The following IMMP2L variants were observed in gnomAD, a reference collection of about 807,000 sequenced individuals.
IMMP2L encodes inner mitochondrial membrane peptidase subunit 2.
Under a neutral mutation model 19.3 loss-of-function variants are expected in IMMP2L, and 18 were observed. That is an observed-to-expected ratio of 0.93 (90% CI 0.64 to 1.38). The LOEUF is 1.38. Ranked by LOEUF, IMMP2L falls within the 40% of genes most tolerant of loss-of-function variation. The pLI, the probability that IMMP2L is intolerant of heterozygous loss-of-function variation, is 0.00. For missense variants in IMMP2L, 233 were observed against 218.2 expected (o/e 1.07, Z -0.43); for synonymous variants, 76 against 73.0 (o/e 1.04, Z -0.21).
chr7:111,257,192 A>G (rs564640948), intron 3 of IMMP2L, among the ~76,000 whole-genome samples: 2 of 152,270 alleles, frequency 1.3e-5, no homozygotes, highest in African/African-American at 4.8e-5. Context: ...AATAATTCCA[A>G]CTGACAGCTG....
chr7:110,882,151 T>C (rs1809704379), intron 5 of IMMP2L, among the ~76,000 whole-genome samples: 1 of 152,104 alleles, frequency 6.6e-6, no homozygotes, highest in African/African-American at 2.4e-5. Flanking sequence ...TGCTTAGTGA[T>C]AGTGGCAAAA....
At chr7:111,326,227 T>C (rs540483639) in intron 3 of IMMP2L, among the ~76,000 whole-genome samples, 53 of 151,898 alleles carry the variant, frequency 3.5e-4, no homozygotes, top group Middle Eastern at 3.4e-3. Flanking sequence ...TCAATTGAGA[T>C]ATAAATTATG....
At chr7:110,930,777 C>T (rs1174588194) in intron 4 of IMMP2L, among the ~76,000 whole-genome samples, 1 of 152,156 alleles carries the variant, frequency 6.6e-6, no homozygotes, top group Non-Finnish European at 1.5e-5. Context: ...GTGGTTTCCA[C>T]AAAGTTTAAC....
At chr7:111,556,915 T>C (rs190697712) in intron 1 of IMMP2L, among the ~76,000 whole-genome samples, 1 of 152,250 alleles carries the variant, frequency 6.6e-6, no homozygotes. Context: ...TTGCCAATGA[T>C]ATGCCCTGCG....
At chr7:110,984,467 C>T (rs1331020325) in intron 3 of IMMP2L, among the ~76,000 whole-genome samples, 3 of 152,006 alleles carry the variant, frequency 2.0e-5, no homozygotes, top group Non-Finnish European at 4.4e-5. Flanking sequence ...GAATATACTA[C>T]ACAAGAGCTA....
intron 4 of IMMP2L, among the ~76,000 whole-genome samples, chr7:110,933,620 C>T (rs906466099): frequency 2.0e-5 from 3 of 152,144 alleles, no homozygotes; most frequent in African/African-American, 7.2e-5. Flanking sequence ...CATTGATGCT[C>T]AGCCTATTCC....
intron 3 of IMMP2L, among the ~76,000 whole-genome samples, chr7:111,468,151 C>A (rs1840858126): frequency 6.6e-6 from 1 of 152,108 alleles, no homozygotes; most frequent in East Asian, 1.9e-4. Flanking sequence ...CTCAGGGGAT[C>A]TATTGTTTTC....
At chr7:110,740,180 C>T (rs1796904608) in intron 5 of IMMP2L, among the ~76,000 whole-genome samples, 1 of 151,996 alleles carries the variant, frequency 6.6e-6, no homozygotes, top group African/African-American at 2.4e-5. Context: ...AATCCAAACC[C>T]AAACCCATCA....
intron 1 of IMMP2L, among the ~76,000 whole-genome samples, chr7:111,558,054 G>C (rs1430696856): frequency 6.6e-6 from 1 of 151,868 alleles, no homozygotes; most frequent in Non-Finnish European, 1.5e-5. Flanking sequence ...AGATGACAAA[G>C]AAAAAAACTT....
chr7:110,885,011 G>A (rs148105981), intron 5 of IMMP2L, among the ~76,000 whole-genome samples: 1 of 151,960 alleles, frequency 6.6e-6, no homozygotes, highest in East Asian at 1.9e-4. Context: ...CTCATACTAT[G>A]TGAAAGAAAT....
chr7:110,851,601 C>T (rs1806233759), intron 5 of IMMP2L, among the ~76,000 whole-genome samples: 1 of 152,070 alleles, frequency 6.6e-6, no homozygotes, highest in Non-Finnish European at 1.5e-5. Flanking sequence ...ACCTCATTTT[C>T]CTTTTCCTAA....
At chr7:111,493,197 A>G (rs115022099) in intron 2 of IMMP2L, among the ~76,000 whole-genome samples, 3,087 of 152,278 alleles carry the variant, frequency 0.02, 107 homozygotes, top group African/African-American at 0.07. Context: ...GCAATTTAAG[A>G]GTTAGAAATA....
In IMMP2L at chr7:110,918,451, TC is replaced by T. The variant is rs370981952; in HGVS notation, c.306-31757del. 6.2e-5 allele frequency among the ~76,000 whole-genome samples: 9 copies of T among 145,228 alleles called. No individual in the cohort carries two copies. The South Asian group carries it at 1.7e-3, about 27-fold the overall frequency. ...TAAATAGGAATTTCTTTTCTTTTTT[TC>T]TTTTTTTTTTTTTTTTTGTTGAAAT... On this transcript the variant is annotated intron_variant, in intron 4 of 5. Coordinates refer to ENST00000405709, the MANE Select transcript of IMMP2L (RefSeq NM_032549.4).
intron 3 of IMMP2L, among the ~76,000 whole-genome samples, chr7:111,010,885 C>T (rs1438358204): frequency 6.6e-6 from 1 of 151,180 alleles, no homozygotes; most frequent in African/African-American, 2.4e-5. Context: ...CAACTGAAGA[C>T]AAGTTTGAGG....
intron 3 of IMMP2L, among the ~76,000 whole-genome samples, chr7:111,373,685 G>A (rs1830436950): frequency 6.6e-6 from 1 of 151,798 alleles, no homozygotes; most frequent in African/African-American, 2.4e-5. Context: ...AGGATGGGTT[G>A]GTAAGATTAG....
At chr7:111,016,450 TAATA>T (rs1241284372) in intron 3 of IMMP2L, among the ~76,000 whole-genome samples, 1 of 135,138 alleles carries the variant, frequency 7.4e-6, no homozygotes, top group Non-Finnish European at 1.5e-5. Flanking sequence ...TAATTATATA[TAATA>T]AATATATATA....
chr7:110,830,922 A>G (rs1803918660), intron 5 of IMMP2L, among the ~76,000 whole-genome samples: 1 of 152,186 alleles, frequency 6.6e-6, no homozygotes, highest in Admixed American at 6.5e-5. Flanking sequence ...ACACAGGCTT[A>G]GAACAACTCA....
intron 3 of IMMP2L, among the ~76,000 whole-genome samples, chr7:111,442,560 C>T (rs866595261): frequency 2.6e-5 from 4 of 151,624 alleles, no homozygotes; most frequent in South Asian, 4.1e-4. Flanking sequence ...AAGATGGCTA[C>T]AAGATACATC....
chr7:111,371,268 C>T (rs540256386), intron 3 of IMMP2L, among the ~76,000 whole-genome samples: 16 of 152,016 alleles, frequency 1.1e-4, no homozygotes, highest in Non-Finnish European at 2.2e-4. Flanking sequence ...ATGTCTTCTT[C>T]ATGGCTGCTA....
Sources: gnomAD v4.1 joint callset for allele counts (sites outside exome capture counted in the v4.1 genomes callset) on GRCh38, gnomAD v4.1.1 for gene constraint, MANE v1.5 for transcripts, NCBI Gene and HGNC (gene_info 2026-07-23, HGNC 2026-07-21) for gene names.